KDM4C: variants seen among roughly 807,000 people sequenced by gnomAD.
KDM4C encodes lysine-specific demethylase 4C.
In KDM4C, 81 loss-of-function variants were observed where a neutral mutation model predicts 129.3. That is an observed-to-expected ratio of 0.63 (90% CI 0.52 to 0.75). The LOEUF (loss-of-function observed/expected upper bound fraction) is 0.75. Ranked by LOEUF, KDM4C falls within the 30% of genes least tolerant of loss-of-function variation. The pLI is 0.00. For missense variants in KDM4C, 1,457 were observed against 1,304.0 expected, an observed-to-expected ratio of 1.12 and a Z score of -1.81; for synonymous variants, 573 against 456.1, an observed-to-expected ratio of 1.26 and a Z score of -3.26.
intron 4 of KDM4C, among the ~76,000 whole-genome samples, chr9:6,846,541 CAAT>C (rs56058535): frequency 0.091 from 13,897 of 152,120 alleles, 830 homozygotes; most frequent in East Asian, 0.26. Flanking sequence ...AATTTTGAAA[CAAT>C]AAGATTTATC....
At chr9:7,034,349 C>A (rs1587096358) in intron 15 of KDM4C, among the ~76,000 whole-genome samples, 2 of 152,290 alleles carry the variant, frequency 1.3e-5, no homozygotes, top group East Asian at 3.9e-4. Context: ...ACATCTCTCC[C>A]AATTCCTCCT....
intron 15 of KDM4C, among the ~76,000 whole-genome samples, chr9:7,017,073 C>G (rs1823833714): frequency 6.6e-6 from 1 of 152,042 alleles, no homozygotes; most frequent in Non-Finnish European, 1.5e-5. Context: ...GTAGCTGGGA[C>G]TACAGGCATG....
intron 17 of KDM4C, among the ~76,000 whole-genome samples, chr9:7,099,107 A>G (rs759261658): frequency 4.6e-5 from 7 of 152,298 alleles, no homozygotes; most frequent in South Asian, 2.1e-4. Context: ...AAATTAGCTA[A>G]TGTATCATTA....
intron 20 of KDM4C, among the ~76,000 whole-genome samples, chr9:7,166,825 C>T (rs550439406): frequency 2.6e-5 from 4 of 152,246 alleles, no homozygotes; most frequent in East Asian, 1.9e-4. Flanking sequence ...GGTCTATCAA[C>T]ATAAAACTAT....
At chr9:7,162,852 A>T (rs16925503) in intron 19 of KDM4C, among the ~76,000 whole-genome samples, 4,305 of 152,148 alleles carry the variant, frequency 0.028, 134 homozygotes, top group East Asian at 0.14. Flanking sequence ...CTCTGTTGGG[A>T]TTCGAGAAGG....
chr9:6,725,629 A>G (rs1817096178), intron 1 of KDM4C, among the ~76,000 whole-genome samples: 1 of 151,900 alleles, frequency 6.6e-6, no homozygotes, highest in African/African-American at 2.4e-5. Context: ...CTGGGATTAC[A>G]GGCACCTGCC....
chr9:7,116,147 C>T (rs1025010328), intron 18 of KDM4C, among the ~76,000 whole-genome samples: 9 of 152,148 alleles, frequency 5.9e-5, no homozygotes, highest in Non-Finnish European at 1.3e-4. Context: ...TTGCTTGGAG[C>T]AGGAGACATG....
intron 19 of KDM4C, among the ~76,000 whole-genome samples, chr9:7,160,538 T>C (rs1320283859): frequency 6.6e-6 from 1 of 152,342 alleles, no homozygotes; most frequent in South Asian, 2.1e-4. Context: ...TTTGTCGATG[T>C]TGATGCTATT....
chr9:6,989,388 C>G (rs1818329135), intron 11 of KDM4C, among the ~76,000 whole-genome samples: 1 of 152,132 alleles, frequency 6.6e-6, no homozygotes, highest in Non-Finnish European at 1.5e-5. Context: ...TCCCTTCCCC[C>G]TGCCTTTAAA....
intron 17 of KDM4C, among the ~76,000 whole-genome samples, chr9:7,068,529 A>C (rs888601670): frequency 1.3e-5 from 2 of 152,094 alleles, no homozygotes; most frequent in Non-Finnish European, 2.9e-5. Context: ...ACTCTGCCAC[A>C]TGCTAATTAT....
At chr9:7,017,414 G>A (rs1336414910) in intron 15 of KDM4C, among the ~76,000 whole-genome samples, 2 of 152,078 alleles carry the variant, frequency 1.3e-5, no homozygotes, top group South Asian at 2.1e-4. Context: ...GACCTAAATT[G>A]TTTTTCTAAA....
chr9:6,847,251 A>G (rs886171904), intron 4 of KDM4C, among the ~76,000 whole-genome samples: 2 of 152,190 alleles, frequency 1.3e-5, no homozygotes, highest in Non-Finnish European at 2.9e-5. Context: ...ACTTTTAAAT[A>G]GGACTCTATT....
At chr9:7,104,591 T>G (rs1363985148) in intron 18 of KDM4C, among the ~76,000 whole-genome samples, 2 of 144,688 alleles carry the variant, frequency 1.4e-5, no homozygotes, top group African/African-American at 5.0e-5. Context: ...TTCCTGTGTT[T>G]TAAATGCTTA....
Position 7,049,083 on chromosome 9 carries a change from T to C in KDM4C, c.2316-9T>C. 1 of 1,599,240 alleles carries C rather than the reference T, an allele frequency of 6.3e-7. No individual in the cohort carries two copies. The highest frequency in any genetic ancestry group is 8.6e-7 in the Non-Finnish European group (1 of 1,167,884). ...CTTTTGTTTATGTTTAATGTCTCCTTTCCTGTAGGTGGGCCCATGTCATGT... is the reference window on the plus strand; with the variant it reads ...CTTTTGTTTATGTTTAATGTCTCCTCTCCTGTAGGTGGGCCCATGTCATGT... On this transcript the variant is annotated splice_polypyrimidine_tract_variant and intron_variant, in intron 16 of 21. Coordinates refer to ENST00000381309, the MANE Select transcript of KDM4C (RefSeq NM_015061.6).
chr9:6,836,033 C>T (rs375347014), intron 4 of KDM4C, among the ~76,000 whole-genome samples: 13 of 152,240 alleles, frequency 8.5e-5, no homozygotes, highest in African/African-American at 2.9e-4. Context: ...GATCAGCCTT[C>T]GTGGCCCCCC....
rs79444447 is a variant in KDM4C at position 7,020,005 on chromosome 9, A to G, written c.2259+4076A>G. On this transcript the variant is annotated intron_variant, in intron 15 of 21. Transcript: ENST00000381309. ...CTAGACTCAAATTAGGAAGATAGAG[A>G]TCATAGTGATGTGGGCTGGATCTTT... Among the ~76,000 whole-genome samples, 459 of 152,088 alleles carry G rather than the reference A, an allele frequency of 3.0e-3. 2 individuals carry two copies. The highest frequency in any genetic ancestry group is 5.3e-3 in the Non-Finnish European group (360 of 67,976).
At chr9:6,977,624 T>G (rs1833152058) in intron 8 of KDM4C, among the ~76,000 whole-genome samples, 1 of 152,184 alleles carries the variant, frequency 6.6e-6, no homozygotes, top group Admixed American at 6.5e-5. Flanking sequence ...CTGGGCAGTA[T>G]TAATTCATGT....
chr9:6,737,426 C>T (rs1487297118), intron 1 of KDM4C, among the ~76,000 whole-genome samples: 6 of 150,750 alleles, frequency 4.0e-5, no homozygotes, highest in African/African-American at 9.8e-5. Context: ...TTTGGGAGGC[C>T]GAGGCAGATG....
In KDM4C at chr9:6,856,959, G is replaced by A. The variant is rs187115749; in HGVS notation, c.629+7259G>A. ...TTTTTAGTAGAGACGGGGTTTCACC[G>A]TGTTAGCCAGGATGGTCTCGATCTC... On this transcript the variant is annotated intron_variant, in intron 5 of 21. Transcript: ENST00000381309. 8.4e-3 allele frequency among the ~76,000 whole-genome samples: 1,274 copies of A among 152,034 alleles called. 10 individuals carry two copies. Among genetic ancestry groups the A allele is most frequent in the Non-Finnish European group, 0.012 (837 of 67,944 alleles).
Sources: allele counts gnomAD v4.1 joint callset (sites outside exome capture counted in the v4.1 genomes callset), GRCh38; gene constraint gnomAD v4.1.1; transcripts MANE v1.5; gene names NCBI Gene and HGNC (gene_info 2026-07-23, HGNC 2026-07-21).